The following UBE2D3 variants were observed in gnomAD, a reference collection of about 807,000 sequenced individuals.
UBE2D3 encodes the protein ubiquitin-conjugating enzyme E2 D3.
A neutral mutation model predicts 22.8 loss-of-function variants in UBE2D3; 2 were observed. The observed-to-expected ratio is 0.09, with a 90% CI of 0.04 to 0.28. The LOEUF is 0.28. UBE2D3 is among the 10% of genes least tolerant of loss of function. The pLI is 1.00. For missense variants in UBE2D3, 27 were observed against 182.5 expected (o/e 0.15, Z 4.91); for synonymous variants, 56 against 60.4 (o/e 0.93, Z 0.34).
intron 6 of UBE2D3, among the ~76,000 whole-genome samples, chr4:102,801,205 C>T (rs1196072564): frequency 6.6e-6 from 1 of 151,898 alleles, no homozygotes; most frequent in East Asian, 1.9e-4. Flanking sequence ...ATAAATTTTG[C>T]TATTATAAGA....
At chr4:102,858,338 G>A (rs1434492341) in intron 1 of UBE2D3, among the ~76,000 whole-genome samples, 1 of 151,780 alleles carries the variant, frequency 6.6e-6, no homozygotes, top group Non-Finnish European at 1.5e-5. Flanking sequence ...GTTATATTTG[G>A]GATTTTAAGT....
chr4:102,817,141 G>A lies in UBE2D3; in HGVS notation c.25-7286C>T, dbSNP rs528364076. Reference sequence around the variant, plus strand: ...AGTCAGGAGTGTCAAAGAACACAGGGCATAAAAATTTGCCAGAACAAATAC... The same window carrying A: ...AGTCAGGAGTGTCAAAGAACACAGGACATAAAAATTTGCCAGAACAAATAC... On this transcript the variant is annotated intron_variant, in intron 2 of 7. Coordinates refer to ENST00000453744, the MANE Select transcript of UBE2D3 (RefSeq NM_181891.3). Among the ~76,000 whole-genome samples the A allele has an allele frequency of 6.3e-4, 96 of 152,226 alleles. 1 individual carries two copies. The highest frequency in any genetic ancestry group is 2.3e-3 in the African/African-American group (94 of 41,544).
intron 5 of UBE2D3, 86 bp from the exon 6 acceptor site, chr4:102,801,645 A>C: frequency 8.9e-7 from 1 of 1,123,570 alleles, no homozygotes; most frequent in Non-Finnish European, 1.3e-6. Context: ...CCACAATGTT[A>C]AAAATGTCAT....
chr4:102,868,876 G>A (rs1733321031), upstream of UBE2D3: 1 of 1,506,884 alleles, frequency 6.6e-7, no homozygotes, highest in African/African-American at 1.4e-5. Flanking sequence ...GCCAGTTCCC[G>A]CGCCTCGGCA....
chr4:102,799,284 C>T (rs2110245972), intron 7 of UBE2D3, 123 bp downstream of exon 7: 1 of 782,244 alleles, frequency 1.3e-6, no homozygotes, highest in South Asian at 2.0e-5. Flanking sequence ...ATTTCAATAG[C>T]TTTCTCCATA....
Position 102,827,437 on chromosome 4 carries a change from GGGCCTCCCTCAAGCTGC to G in UBE2D3, c.-156_-140del. ...CACACCCACGCGTACAGAGGGGCCGGGGCCTCCCTCAAGCTGCGGCCTCGGCCTCCTCCCCGCGCGGC... is the reference window on the plus strand; with the variant it reads ...CACACCCACGCGTACAGAGGGGCCGGGGCCTCGGCCTCCTCCCCGCGCGGC... On this transcript the variant is annotated 5_prime_UTR_variant, in exon 1 of 8. Transcript: ENST00000453744. The G allele has an allele frequency of 1.0e-6, 1 of 986,192 alleles. No individual in the cohort carries two copies. Among genetic ancestry groups the G allele is most frequent in the Non-Finnish European group, 1.2e-6 (1 of 830,156 alleles). 61.1% of individuals were successfully genotyped at this position (986,192 alleles called of 1,614,324 possible).
chr4:102,800,542 T>A (rs1456605048), intron 6 of UBE2D3, among the ~76,000 whole-genome samples: 1 of 152,078 alleles, frequency 6.6e-6, no homozygotes, highest in Non-Finnish European at 1.5e-5. Flanking sequence ...GAAACTGATA[T>A]TTAGGTATGT....
At chr4:102,812,982 GAGATATTAGCAAAAC>G (rs1237947307) in intron 2 of UBE2D3, 1 of 152,174 alleles carries the variant, frequency 6.6e-6, no homozygotes, top group African/African-American at 2.4e-5. Flanking sequence ...AAGACTATTA[GAGATATTAGCAAAAC>G]AGCACTGAGA....
chr4:102,850,923 A>G (rs1019734119), intron 1 of UBE2D3, among the ~76,000 whole-genome samples: 1 of 143,684 alleles, frequency 7.0e-6, no homozygotes, highest in African/African-American at 2.6e-5. Context: ...GGACTTGGGA[A>G]CTTTGTTGGG....
intron 1 of UBE2D3, among the ~76,000 whole-genome samples, chr4:102,834,608 G>T (rs1372777749): frequency 3.3e-5 from 5 of 152,044 alleles, no homozygotes; most frequent in African/African-American, 9.7e-5. Flanking sequence ...AATCAGCATG[G>T]CGTGGTGGTA....
intron 4 of UBE2D3, chr4:102,809,439 G>C (rs1560853123): frequency 7.8e-6 from 4 of 514,206 alleles, no homozygotes; most frequent in Non-Finnish European, 1.4e-5. Context: ...GAGATGTTTG[G>C]TAGGTCATAG....
chr4:102,799,835 G>C (rs1339957910), intron 6 of UBE2D3, among the ~76,000 whole-genome samples: 1 of 138,368 alleles, frequency 7.2e-6, no homozygotes, highest in Non-Finnish European at 1.5e-5. Context: ...CAGTGGCTGG[G>C]GGGGGGGGGA....
At chr4:102,809,961 T>G (rs976289559) in intron 2 of UBE2D3, 106 bp from the exon 3 acceptor site, 46 of 1,049,372 alleles carry the variant, frequency 4.4e-5, no homozygotes, top group African/African-American at 8.0e-5. Context: ...AAAGGCACAC[T>G]CCATCACAAT....
Position 102,809,721 on chromosome 4 carries a change from ACT to A in UBE2D3, c.89-20_89-19del. On this transcript the variant is annotated intron_variant, in intron 3 of 7. Transcript: ENST00000453744. ...ATGAAACACTAGAAAAAGAAAAAAA[ACT>A]CTGGTTATCTAAAAATGCACAAGCT... The A allele has an allele frequency of 6.2e-7, 1 of 1,612,586 alleles. No individual in the cohort carries two copies. Among genetic ancestry groups the A allele is most frequent in the Non-Finnish European group, 8.5e-7 (1 of 1,179,722 alleles).
rs79580756 is a variant in UBE2D3 at position 102,853,989 on chromosome 4, T to A, written c.-129+14726A>T. On this transcript the variant is annotated intron_variant, in intron 1 of 7. Coordinates refer to the UBE2D3 transcript ENST00000338145. ...AATGTTAGTTGAATTAAAAAAAAATTGTCAGTCTGTTAGACTAACTGGCAT... is the reference window on the plus strand; with the variant it reads ...AATGTTAGTTGAATTAAAAAAAAATAGTCAGTCTGTTAGACTAACTGGCAT... 1.7e-3 allele frequency among the ~76,000 whole-genome samples: 253 copies of A among 152,312 alleles called. 5 individuals are homozygous for A. In the East Asian group the frequency reaches 0.035, roughly 21 times the overall value.
At chr4:102,827,084 G>A (rs1730654782) in intron 1 of UBE2D3, 6 of 989,262 alleles carry the variant, frequency 6.1e-6, no homozygotes, top group Non-Finnish European at 6.0e-6. Flanking sequence ...AAGGAAGGGA[G>A]ACTTGATGTG....
chr4:102,826,634 C>G lies in UBE2D3; in HGVS notation c.-126G>C, dbSNP rs1181863995. On this transcript the variant is annotated splice_region_variant and 5_prime_UTR_variant, in exon 2 of 8. Coordinates refer to ENST00000453744, the MANE Select transcript of UBE2D3 (RefSeq NM_181891.3). ...TCACACCAGCTCTGCCAGACACAGG[C>G]GCCTTTTGCAAAAACGGAGCAGATC... 2 of 1,572,666 alleles carry G rather than the reference C, an allele frequency of 1.3e-6. No homozygotes were observed. The highest frequency in any genetic ancestry group is 2.3e-5 in the South Asian group (2 of 88,654).
rs1321952903 is a variant in UBE2D3, at chr4:102,802,547, G to A, written c.198+14C>T. 3.8e-6 allele frequency: 6 copies of A among 1,590,748 alleles called. No individual in the cohort carries two copies. Among genetic ancestry groups the A allele is most frequent in the Non-Finnish European group, 4.3e-6 (5 of 1,167,336 alleles). On this transcript the variant is annotated intron_variant, in intron 5 of 7. Coordinates refer to ENST00000453744, the MANE Select transcript of UBE2D3 (RefSeq NM_181891.3). ...ATAAATCTATACTAACAGATTTTGA[G>A]GGAAAATACTTGCCTTAGGTGGTTT...
At chr4:102,826,430 T>C in intron 2 of UBE2D3, 55 bp downstream of exon 2, 1 of 1,609,726 alleles carries the variant, frequency 6.2e-7, no homozygotes, top group South Asian at 1.1e-5. Flanking sequence ...GCTTTCCTCT[T>C]GGCCCGAGCC....
Sources: gnomAD v4.1 joint callset for allele counts (sites outside exome capture counted in the v4.1 genomes callset) on GRCh38, gnomAD v4.1.1 for gene constraint, MANE v1.5 for transcripts, NCBI Gene and HGNC (gene_info 2026-07-23, HGNC 2026-07-21) for gene names.